MED1: variants seen among roughly 807,000 people sequenced by gnomAD.
The protein encoded by MED1 is mediator of RNA polymerase II transcription subunit 1.
In MED1, 17 loss-of-function variants were observed where a neutral mutation model predicts 121.3. The observed-to-expected ratio is 0.14, with a 90% CI of 0.10 to 0.21. MED1 has a LOEUF of 0.21. Ranked by LOEUF, MED1 falls within the 10% of genes least tolerant of loss-of-function variation. The pLI, the probability that MED1 is intolerant of heterozygous loss-of-function variation, is 1.00. For synonymous variants in MED1, 661 were observed against 694.4 expected (o/e 0.95, Z 0.76); for missense variants, 1,558 against 1,919.4 (o/e 0.81, Z 3.52).
chr17:39,433,379 G>GA (rs71300069), intron 7 of MED1, among the ~76,000 whole-genome samples: 2,099 of 132,090 alleles, frequency 0.016, 24 homozygotes, highest in African/African-American at 0.026. Flanking sequence ...TAAAAAAAAA[G>GA]AAAAAAAAAA....
intron 6 of MED1, among the ~76,000 whole-genome samples, chr17:39,436,135 G>A (rs1043020854): frequency 2.6e-5 from 4 of 151,852 alleles, no homozygotes; most frequent in African/African-American, 9.7e-5. Flanking sequence ...GGCCGAGGCG[G>A]GCAGATCACG....
intron 3 of MED1, 120 bp downstream of exon 3, chr17:39,443,430 G>A (rs950681406): frequency 1.4e-6 from 1 of 709,302 alleles, no homozygotes; most frequent in Non-Finnish European, 2.4e-6. Context: ...GAATGCAAGA[G>A]CAATATCTAA....
At chr17:39,414,634 C>CTTT (rs55829399) in intron 16 of MED1, among the ~76,000 whole-genome samples, 7 of 61,552 alleles carry the variant, frequency 1.1e-4, no homozygotes, top group Non-Finnish European at 1.9e-4. Context: ...CAGGCCCGGC[C>CTTT]TTTTTTTTTT....
chr17:39,423,882 A>G, intron 11 of MED1, 61 bp from the exon 12 acceptor site: 1 of 1,534,568 alleles, frequency 6.5e-7, no homozygotes, highest in South Asian at 1.3e-5. Flanking sequence ...GAAAAACCCA[A>G]ACACCTTTTT....
intron 2 of MED1, among the ~76,000 whole-genome samples, chr17:39,447,493 G>A (rs1048806325): frequency 6.6e-6 from 1 of 151,940 alleles, no homozygotes; most frequent in Non-Finnish European, 1.5e-5. Flanking sequence ...ATATCTATAA[G>A]GTGTTTATGA....
In MED1 at chr17:39,418,534, A is replaced by C. The variant is rs1472618904; in HGVS notation, c.1297+1183T>G. 2.7e-5 allele frequency among the ~76,000 whole-genome samples: 4 copies of C among 148,688 alleles called. No individual in the cohort carries two copies. In the East Asian group the frequency reaches 7.8e-4, roughly 29 times the overall value. ...GGCAACAGAGTGAGACCCTGTCTCA[A>C]AAAAAAAAAAGCCTCTCTCACTACA... On this transcript the variant is annotated intron_variant, in intron 14 of 16. Transcript: ENST00000300651.
At chr17:39,422,462 C>A (rs1351083136) in intron 13 of MED1, among the ~76,000 whole-genome samples, 1 of 147,542 alleles carries the variant, frequency 6.8e-6, no homozygotes, top group Admixed American at 6.8e-5. Context: ...ACACCACGCC[C>A]AGCCTCGTTT....
intron 14 of MED1, among the ~76,000 whole-genome samples, chr17:39,416,836 C>G (rs2048413999): frequency 6.6e-6 from 1 of 152,084 alleles, no homozygotes; most frequent in African/African-American, 2.4e-5. Flanking sequence ...AAAAATGTTG[C>G]TGTATAAATA....
At chr17:39,419,293 T>C (rs2076555927) in intron 14 of MED1, among the ~76,000 whole-genome samples, 1 of 148,976 alleles carries the variant, frequency 6.7e-6, no homozygotes, top group South Asian at 2.1e-4. Context: ...CTCAGACCGA[T>C]CTCAAATCAT....
rs749339211 is a variant in MED1, at chr17:39,431,197, C to T, written c.576-9G>A. On this transcript the variant is annotated splice_polypyrimidine_tract_variant and intron_variant, in intron 8 of 16. Transcript: ENST00000300651. ...CAGCATTAGTTGCTTTCCTGTAAGA[C>T]AAGTGATCTATGTTTGCTTATATTT... 1.9e-6 allele frequency: 3 copies of T among 1,601,896 alleles called. No homozygotes were observed. Among genetic ancestry groups the T allele is most frequent in the Non-Finnish European group, 2.6e-6 (3 of 1,169,302 alleles).
rs1353105119 is a variant in MED1, at chr17:39,415,215, G to C, written c.1393+29C>G. On this transcript the variant is annotated intron_variant, in intron 15 of 16. Transcript: ENST00000300651. ...AGACATAGGGACCAAACCGCTCCATGAGAGGTGTTAGCCACCCACACAACT... is the reference window on the plus strand; with the variant it reads ...AGACATAGGGACCAAACCGCTCCATCAGAGGTGTTAGCCACCCACACAACT... 6 of 1,608,206 alleles carry C rather than the reference G, an allele frequency of 3.7e-6. No homozygotes were observed. The East Asian group carries it at 1.1e-4, about 30-fold the overall frequency.
At chr17:39,426,183 G>C (rs1021030686) in intron 10 of MED1, among the ~76,000 whole-genome samples, 1 of 151,546 alleles carries the variant, frequency 6.6e-6, no homozygotes, top group East Asian at 1.9e-4. Flanking sequence ...GCCAAGGCTC[G>C]CACCTGTAAT....
rs546267334 is a variant in MED1, at chr17:39,406,115, G to A, written c.*1360C>T. 1.0e-6 allele frequency: 1 copy of A among 985,444 alleles called. No individual in the cohort carries two copies. Among genetic ancestry groups the A allele is most frequent in the African/African-American group, 1.7e-5 (1 of 57,308 alleles). The allele number at this position is 985,444 out of a possible 1,614,324, so 61.0% of individuals were successfully genotyped here. On this transcript the variant is annotated 3_prime_UTR_variant, in exon 17 of 17. Coordinates refer to ENST00000300651, the MANE Select transcript of MED1 (RefSeq NM_004774.4). Reference sequence around the variant, plus strand: ...CTGGATTTCTATATTTTTATGTGAAGGGCTCTTATTGATGTCCCCCAGAAT... The same window carrying A: ...CTGGATTTCTATATTTTTATGTGAAAGGCTCTTATTGATGTCCCCCAGAAT...
chr17:39,424,452 G>C (rs934292042), intron 11 of MED1, among the ~76,000 whole-genome samples, 175 bp downstream of exon 11: 2 of 152,084 alleles, frequency 1.3e-5, no homozygotes, highest in African/African-American at 4.8e-5. Context: ...TGTGTTCTAC[G>C]AGCCGACTTT....
chr17:39,418,608 A>G (rs759166190), intron 14 of MED1, among the ~76,000 whole-genome samples: 7 of 152,080 alleles, frequency 4.6e-5, no homozygotes, highest in Non-Finnish European at 1.0e-4. Flanking sequence ...TACAGCCCCT[A>G]AAATACCCAG....
rs2048326161 is a variant in MED1, at chr17:39,408,597, T to C, written c.3624A>G (p.Pro1208=). Residue 1208 remains proline, a synonymous_variant, in exon 17 of 17, where the codon CCA becomes CCG. Transcript: ENST00000300651. The surrounding 1 kb of genome is among the most constrained non-coding windows in gnomAD (Gnocchi z 4.7). ...GAGGAGTTCCAGGAACAGGCTTCAT[T>C]GGAGAGGCAAGCTTGTCAGAGCCTC... ...PPGGSDKLAS[P]MKPVPGTPPS... The C allele has an allele frequency of 6.2e-7, 1 of 1,614,172 alleles. No homozygotes were observed. The highest frequency in any genetic ancestry group is 1.3e-5 in the African/African-American group (1 of 75,046).
chr17:39,406,917 C>A lies in MED1; in HGVS notation c.*558G>T. 2.0e-6 allele frequency: 2 copies of A among 985,962 alleles called. No homozygotes were observed. The highest frequency in any genetic ancestry group is 1.1e-4 in the East Asian group (1 of 8,960). 61.1% of individuals were successfully genotyped at this position (985,962 alleles called of 1,614,324 possible). On this transcript the variant is annotated 3_prime_UTR_variant, in exon 17 of 17. Transcript: ENST00000300651. ...ATAGCTAAAATAATCTTCCCTCCCC[C>A]AGTCACTCCTAAGAAACAGACACCA...
At chr17:39,446,895 G>A (rs1355373176) in intron 2 of MED1, among the ~76,000 whole-genome samples, 10 of 152,000 alleles carry the variant, frequency 6.6e-5, no homozygotes, top group Non-Finnish European at 1.5e-4. Context: ...AGCCATGATC[G>A]CGCCACTGCA....
At chr17:39,450,933 C>G in intron 1 of MED1, 105 bp downstream of exon 1, 1 of 944,708 alleles carries the variant, frequency 1.1e-6, no homozygotes, top group Admixed American at 2.2e-5. Flanking sequence ...CTCCTGGACT[C>G]TATGCCCCTA....
Sources: allele counts gnomAD v4.1 joint callset (sites outside exome capture counted in the v4.1 genomes callset), GRCh38; gene constraint gnomAD v4.1.1; non-coding constraint Gnocchi (gnomAD v3.1); transcripts MANE v1.5; gene names NCBI Gene and HGNC (gene_info 2026-07-23, HGNC 2026-07-21).